The following ALK variants were observed in gnomAD, a reference collection of about 807,000 sequenced individuals.
The protein encoded by ALK is ALK receptor tyrosine kinase.
A neutral mutation model predicts 163.1 loss-of-function variants in ALK; 74 were observed. The observed-to-expected ratio is 0.45, with a 90% CI of 0.38 to 0.55. The LOEUF (loss-of-function observed/expected upper bound fraction) is 0.55, where lower values mean the gene tolerates loss of function less well. Among genes scored for constraint, ALK ranks in the 20% least tolerant of loss-of-function variants. The pLI, the probability that ALK is intolerant of heterozygous loss-of-function variation, is 0.00. For synonymous variants in ALK, 960 were observed against 843.2 expected (o/e 1.14, Z -2.40); for missense variants, 2,063 against 2,105.3 (o/e 0.98, Z 0.39).
chr2:29,594,813 G>A (rs56271144), intron 3 of ALK, among the ~76,000 whole-genome samples: 3,651 of 144,950 alleles, frequency 0.025, 151 homozygotes, highest in African/African-American at 0.088. Flanking sequence ...CTATAGGGGT[G>A]TGTGTGGGGG....
At chr2:29,671,141 T>C (rs1219372980) in intron 3 of ALK, among the ~76,000 whole-genome samples, 1 of 152,090 alleles carries the variant, frequency 6.6e-6, no homozygotes, top group Non-Finnish European at 1.5e-5. Flanking sequence ...TTGTTTTTTA[T>C]TGGATATATT....
chr2:29,774,078 C>A (rs1414086985), intron 1 of ALK, among the ~76,000 whole-genome samples: 1 of 152,180 alleles, frequency 6.6e-6, no homozygotes, highest in Non-Finnish European at 1.5e-5. Flanking sequence ...TCACCTGTGC[C>A]TAATGCCACT....
chr2:29,215,191 G>A (rs996334802), intron 23 of ALK, among the ~76,000 whole-genome samples: 1 of 152,188 alleles, frequency 6.6e-6, no homozygotes, highest in Admixed American at 6.5e-5. Flanking sequence ...TTTGAAGGGT[G>A]GGCTGAGGAC....
chr2:29,745,552 C>T (rs140310878), intron 1 of ALK, among the ~76,000 whole-genome samples: 44 of 152,308 alleles, frequency 2.9e-4, no homozygotes, highest in Middle Eastern at 3.4e-3. Context: ...CTGGTGAAAT[C>T]GTGTCTACCT....
chr2:29,482,018 G>A (rs4488615), intron 4 of ALK, among the ~76,000 whole-genome samples: 84,002 of 152,080 alleles, frequency 0.55, 23,744 homozygotes, highest in Middle Eastern at 0.66. Context: ...AATCAAACCA[G>A]TTGTGGCTGT....
At chr2:29,812,545 A>G (rs1484260877) in intron 1 of ALK, among the ~76,000 whole-genome samples, 2 of 152,168 alleles carry the variant, frequency 1.3e-5, no homozygotes, top group Admixed American at 6.6e-5. Flanking sequence ...ATTATTTCAT[A>G]CATATAAAAA....
intron 1 of ALK, among the ~76,000 whole-genome samples, chr2:29,894,877 C>T (rs917417948): frequency 1.3e-5 from 2 of 151,360 alleles, no homozygotes; most frequent in East Asian, 3.9e-4. Context: ...CACACACACA[C>T]CCCGACATAC....
At chr2:29,431,041 T>A (rs1181051659) in intron 4 of ALK, among the ~76,000 whole-genome samples, 1 of 148,228 alleles carries the variant, frequency 6.7e-6, no homozygotes, top group Non-Finnish European at 1.5e-5. Flanking sequence ...AGAGTAAGAG[T>A]TCTTAGAAAC....
chr2:29,544,877 A>C (rs1043462542), intron 3 of ALK, among the ~76,000 whole-genome samples: 8 of 152,128 alleles, frequency 5.3e-5, no homozygotes, highest in Non-Finnish European at 1.2e-4. Flanking sequence ...CGCTTGTTGT[A>C]CTGGGGAGAA....
At chr2:29,483,685 A>G (rs1671717745) in intron 4 of ALK, among the ~76,000 whole-genome samples, 1 of 152,038 alleles carries the variant, frequency 6.6e-6, no homozygotes, top group South Asian at 2.1e-4. Flanking sequence ...ACTTTTTACT[A>G]TTTTTCATTT....
intron 1 of ALK, among the ~76,000 whole-genome samples, chr2:29,789,255 T>C (rs1664127802): frequency 1.3e-5 from 2 of 152,144 alleles, no homozygotes; most frequent in African/African-American, 4.8e-5. Flanking sequence ...ATGCTGAGAA[T>C]CTCCAGTGCT....
At chr2:29,478,826 G>C (rs958601378) in intron 4 of ALK, among the ~76,000 whole-genome samples, 23 of 152,196 alleles carry the variant, frequency 1.5e-4, no homozygotes, top group Non-Finnish European at 2.8e-4. Flanking sequence ...GTGTGTCCCA[G>C]CTTGTGGGAA....
At chr2:29,329,670 C>T (rs1389322584) in intron 5 of ALK, among the ~76,000 whole-genome samples, 1 of 152,204 alleles carries the variant, frequency 6.6e-6, no homozygotes, top group African/African-American at 2.4e-5. Context: ...GCAAATCAAA[C>T]TCAACTGATT....
intron 3 of ALK, among the ~76,000 whole-genome samples, chr2:29,608,907 C>A (rs1037083333): frequency 1.3e-5 from 2 of 152,116 alleles, no homozygotes; most frequent in African/African-American, 4.8e-5. Context: ...GCTGGTCTCT[C>A]ATAATTCCAT....
At chr2:29,348,251 T>C (rs1408849671) in intron 5 of ALK, among the ~76,000 whole-genome samples, 1 of 152,188 alleles carries the variant, frequency 6.6e-6, no homozygotes, top group East Asian at 1.9e-4. Context: ...CCAGCCAGAT[T>C]GTCCCCCAGG....
At chr2:29,912,380 A>G (rs192467742) in intron 1 of ALK, among the ~76,000 whole-genome samples, 2 of 152,318 alleles carry the variant, frequency 1.3e-5, no homozygotes, top group Admixed American at 1.3e-4. Flanking sequence ...GTAATGGCAG[A>G]TTGCTCATCA....
At chr2:29,685,649 C>CCCTGGT (rs1454748201) in intron 3 of ALK, among the ~76,000 whole-genome samples, 1 of 152,114 alleles carries the variant, frequency 6.6e-6, no homozygotes, top group Non-Finnish European at 1.5e-5. Context: ...CTGGCCCTGG[C>CCCTGGT]CCCAAGAGCA....
At chr2:29,447,298 G>A (rs1338020718) in intron 4 of ALK, among the ~76,000 whole-genome samples, 1 of 152,162 alleles carries the variant, frequency 6.6e-6, no homozygotes, top group African/African-American at 2.4e-5. Context: ...AATCTCTCTG[G>A]CAGGTACAGC....
intron 1 of ALK, among the ~76,000 whole-genome samples, chr2:29,775,593 G>A (rs1161957732): frequency 1.3e-5 from 2 of 151,614 alleles, no homozygotes; most frequent in Non-Finnish European, 2.9e-5. Context: ...GGGTCTCTCT[G>A]TTTATACCTT....
Sources: allele counts gnomAD v4.1 joint callset (sites outside exome capture counted in the v4.1 genomes callset), GRCh38; gene constraint gnomAD v4.1.1; transcripts MANE v1.5; gene names NCBI Gene and HGNC (gene_info 2026-07-23, HGNC 2026-07-21).